Variants in GNA13 observed in about 807,000 individuals in gnomAD.
GNA13 encodes guanine nucleotide-binding protein subunit alpha-13.
A neutral mutation model predicts 33.5 loss-of-function variants in GNA13; 4 were observed. The observed-to-expected ratio is 0.12, with a 90% CI of 0.06 to 0.27. The LOEUF is 0.27. GNA13 is among the 10% of genes least tolerant of loss of function. GNA13 has a pLI of 1.00. For missense variants in GNA13, 319 were observed against 487.2 expected, an observed-to-expected ratio of 0.65 and a Z score of 3.25; for synonymous variants, 176 against 183.8, an observed-to-expected ratio of 0.96 and a Z score of 0.34.
intron 2 of GNA13, among the ~76,000 whole-genome samples, chr17:65,043,435 C>T (rs1025916602): frequency 1.3e-5 from 2 of 151,894 alleles, no homozygotes; most frequent in African/African-American, 2.4e-5. Context: ...CACAGGTGTG[C>T]GCCACCATGC....
chr17:65,056,636 C>T lies in GNA13; in HGVS notation c.-43G>A. 3.9e-6 allele frequency: 6 copies of T among 1,520,704 alleles called. No individual in the cohort carries two copies. The highest frequency in any genetic ancestry group is 5.3e-6 in the Non-Finnish European group (6 of 1,130,430). 94.2% of individuals were successfully genotyped at this position (1,520,704 alleles called of 1,614,324 possible). Reference sequence around the variant, plus strand: ...CGCCTCGGCGGGCCCCTCCGGCTCCCTCCACCTCCTCCTCCGGCGGCGGGC... The same window carrying T: ...CGCCTCGGCGGGCCCCTCCGGCTCCTTCCACCTCCTCCTCCGGCGGCGGGC... On this transcript the variant is annotated 5_prime_UTR_variant, in exon 1 of 4. Transcript: ENST00000439174.
At chr17:65,023,237 C>T (rs1046945071) in intron 2 of GNA13, among the ~76,000 whole-genome samples, 3 of 152,216 alleles carry the variant, frequency 2.0e-5, no homozygotes, top group Non-Finnish European at 4.4e-5. Flanking sequence ...CTGCATTACT[C>T]ATGAGCATGT....
intron 3 of GNA13, among the ~76,000 whole-genome samples, chr17:65,015,602 G>A (rs1182203792): frequency 2.1e-5 from 3 of 146,012 alleles, no homozygotes; most frequent in Non-Finnish European, 4.5e-5. Context: ...GGTGGAGCTT[G>A]CAGTGAGCTG....
chr17:65,018,070 A>C (rs1906434802), intron 3 of GNA13, among the ~76,000 whole-genome samples, 183 bp downstream of exon 3: 1 of 144,818 alleles, frequency 6.9e-6, no homozygotes, highest in African/African-American at 2.5e-5. Context: ...AATAAAGCAG[A>C]GAAGAATCAG....
intron 3 of GNA13, among the ~76,000 whole-genome samples, chr17:65,015,131 T>A (rs1227039285): frequency 6.6e-6 from 1 of 152,048 alleles, no homozygotes; most frequent in East Asian, 1.9e-4. Context: ...CAAGATACAT[T>A]AAAATGTTAG....
Position 65,024,340 on chromosome 17 carries a change from G to A in GNA13, c.511-6037C>T, listed in dbSNP as rs76861053. On this transcript the variant is annotated intron_variant, in intron 2 of 3. Coordinates refer to ENST00000439174, the MANE Select transcript of GNA13 (RefSeq NM_006572.6). ...ATGTGTAAAATCTCATTACAGATCAGAATGGAGGAATATTTGCAACTGACT... is the reference window on the plus strand; with the variant it reads ...ATGTGTAAAATCTCATTACAGATCAAAATGGAGGAATATTTGCAACTGACT... 5.7e-3 allele frequency among the ~76,000 whole-genome samples: 868 copies of A among 152,304 alleles called. 8 individuals are homozygous for A. Among genetic ancestry groups the A allele is most frequent in the African/African-American group, 0.02 (829 of 41,564 alleles).
chr17:65,015,652 G>C (rs12943269), intron 3 of GNA13, among the ~76,000 whole-genome samples: 107,511 of 133,166 alleles, frequency 0.81, 45,677 homozygotes, highest in East Asian at 0.97. Context: ...GACAGAGCAA[G>C]ACTTTGTCTT....
At chr17:65,051,584 G>A (rs1285009471) in intron 2 of GNA13, among the ~76,000 whole-genome samples, 1 of 152,050 alleles carries the variant, frequency 6.6e-6, no homozygotes, top group Non-Finnish European at 1.5e-5. Context: ...ACTCCAGCCT[G>A]GGCAACAAGA....
intron 2 of GNA13, among the ~76,000 whole-genome samples, chr17:65,031,599 T>C (rs1907013074): frequency 6.6e-6 from 1 of 152,230 alleles, no homozygotes; most frequent in Non-Finnish European, 1.5e-5. Flanking sequence ...AAGGTTTTTA[T>C]ATACCTATAA....
intron 1 of GNA13, among the ~76,000 whole-genome samples, chr17:65,055,100 T>C (rs1014238222): frequency 1.1e-4 from 17 of 152,198 alleles, no homozygotes; most frequent in Non-Finnish European, 2.1e-4. Flanking sequence ...AAGTCCCTTA[T>C]GTACTTCCTG....
chr17:65,028,077 T>A (rs917185883), intron 2 of GNA13, among the ~76,000 whole-genome samples: 3 of 151,830 alleles, frequency 2.0e-5, no homozygotes, highest in Admixed American at 6.6e-5. Flanking sequence ...ATACAAAAAA[T>A]CAGCCGGGCG....
At chr17:65,052,049 TATA>T (rs1223324818) in intron 2 of GNA13, 1 of 152,268 alleles carries the variant, frequency 6.6e-6, no homozygotes, top group Non-Finnish European at 1.5e-5. Context: ...TGCTTCTAAG[TATA>T]AATAATAACA....
intron 2 of GNA13, among the ~76,000 whole-genome samples, chr17:65,022,169 C>T (rs768233941): frequency 1.3e-5 from 2 of 152,076 alleles, no homozygotes; most frequent in African/African-American, 2.4e-5. Flanking sequence ...ATATGAAATT[C>T]GAACTTCAAC....
Position 65,014,838 on chromosome 17 carries a change from G to T in GNA13, c.562-9C>A. On this transcript the variant is annotated splice_polypyrimidine_tract_variant and intron_variant, in intron 3 of 3. Transcript: ENST00000439174. The surrounding 1 kb of genome is among the most constrained non-coding windows in gnomAD (Gnocchi z 5.3). ...TGTGATGGAATATAATCCTGGAAAA[G>T]AAAAAACTTGTTTTATACCTATTAA... The T allele has an allele frequency of 3.2e-6, 5 of 1,575,232 alleles. No homozygotes were observed. Among genetic ancestry groups the T allele is most frequent in the Non-Finnish European group, 4.3e-6 (5 of 1,155,342 alleles).
chr17:65,056,260 C>CCCCCCCCCCCCCCCCCA, intron 1 of GNA13, 51 bp downstream of exon 1: 1 of 1,196,344 alleles, frequency 8.4e-7, no homozygotes, highest in East Asian at 2.8e-5. Context: ...CACCCGCCGC[C>CCCCCCCCCCCCCCCCCA]GCCCCAGCCC....
At chr17:65,038,627 A>G (rs2143809482) in intron 2 of GNA13, among the ~76,000 whole-genome samples, 1 of 152,142 alleles carries the variant, frequency 6.6e-6, no homozygotes, top group Non-Finnish European at 1.5e-5. Context: ...GTTTCTCACC[A>G]TGTTGGCGAG....
At chr17:65,038,274 G>A (rs188925438) in intron 2 of GNA13, among the ~76,000 whole-genome samples, 134 of 152,200 alleles carry the variant, frequency 8.8e-4, no homozygotes, top group Admixed American at 2.7e-3. Context: ...CTGGTGGCAC[G>A]TGCCTGTAAT....
chr17:65,027,736 C>T (rs1473238770), intron 2 of GNA13, among the ~76,000 whole-genome samples: 1 of 152,174 alleles, frequency 6.6e-6, no homozygotes, highest in Non-Finnish European at 1.5e-5. Flanking sequence ...GCTAATTTCT[C>T]CTTTACAACA....
chr17:65,056,713 GC>G lies in GNA13; in HGVS notation c.-121del. 5 of 445,756 alleles carry G rather than the reference GC, an allele frequency of 1.1e-5. No individual in the cohort carries two copies. Among genetic ancestry groups the G allele is most frequent in the Non-Finnish European group, 1.6e-5 (5 of 318,462 alleles). 27.6% of individuals were successfully genotyped at this position (445,756 alleles called of 1,614,324 possible). On this transcript the variant is annotated 5_prime_UTR_variant, in exon 1 of 4. Transcript: ENST00000439174. ...GGGAGCGCGGCGGCGGCCCGAGCGC[GC>G]CCAGGGAGGGAGGGAACCAGCGAAC...
Sources: allele counts gnomAD v4.1 joint callset (sites outside exome capture counted in the v4.1 genomes callset), GRCh38; gene constraint gnomAD v4.1.1; non-coding constraint Gnocchi (gnomAD v3.1); transcripts MANE v1.5; gene names NCBI Gene and HGNC (gene_info 2026-07-23, HGNC 2026-07-21).